Variants in LSAMP observed in about 807,000 individuals in gnomAD.
The protein encoded by LSAMP is limbic system associated membrane protein, also known as limbic system-associated membrane protein.
A neutral mutation model predicts 38.6 loss-of-function variants in LSAMP; 7 were observed. The ratio of observed to expected loss-of-function variants is 0.18; its 90% CI spans 0.10 to 0.34. LSAMP has a LOEUF of 0.34. Among genes scored for constraint, LSAMP ranks in the 10% least tolerant of loss-of-function variants. LSAMP has a pLI of 1.00. For missense variants in LSAMP, 313 were observed against 420.0 expected, an observed-to-expected ratio of 0.75 and a Z score of 2.23; for synonymous variants, 154 against 166.8, an observed-to-expected ratio of 0.92 and a Z score of 0.59.
At chr3:115,990,341 G>A (rs1939631718) in intron 3 of LSAMP, among the ~76,000 whole-genome samples, 1 of 152,000 alleles carries the variant, frequency 6.6e-6, no homozygotes, top group Non-Finnish European at 1.5e-5. Context: ...ACGCCCAAGA[G>A]CCCTTATTCT....
At chr3:116,188,211 G>A (rs1018032419) in intron 1 of LSAMP, among the ~76,000 whole-genome samples, 3 of 152,070 alleles carry the variant, frequency 2.0e-5, no homozygotes, top group Non-Finnish European at 4.4e-5. Flanking sequence ...CTCACTTAGT[G>A]ATCGTGCTAT....
chr3:116,124,888 C>T (rs1234853498), intron 1 of LSAMP, among the ~76,000 whole-genome samples: 4 of 152,056 alleles, frequency 2.6e-5, no homozygotes, highest in South Asian at 2.1e-4. Flanking sequence ...TTGTAAACTT[C>T]GACTCTGATC....
chr3:116,260,177 T>C (rs2046805882), intron 1 of LSAMP, among the ~76,000 whole-genome samples: 1 of 152,122 alleles, frequency 6.6e-6, no homozygotes, highest in African/African-American at 2.4e-5. Context: ...CTTCTAATCC[T>C]TTCAATAAGG....
intron 6 of LSAMP, among the ~76,000 whole-genome samples, chr3:115,816,433 G>T (rs1934020460): frequency 6.6e-6 from 1 of 152,132 alleles, no homozygotes; most frequent in Non-Finnish European, 1.5e-5. Context: ...AGGGTCATGG[G>T]TTTGATCAGG....
intron 1 of LSAMP, among the ~76,000 whole-genome samples, chr3:116,168,333 T>G (rs1260325999): frequency 6.6e-6 from 1 of 152,134 alleles, no homozygotes; most frequent in East Asian, 1.9e-4. Flanking sequence ...CTGCATTTCC[T>G]GAGAATCAAA....
intron 1 of LSAMP, among the ~76,000 whole-genome samples, chr3:116,178,198 G>T (rs1482264151): frequency 6.6e-6 from 1 of 151,960 alleles, no homozygotes; most frequent in East Asian, 1.9e-4. Context: ...ACAGGGTTTC[G>T]CTCTGTCACC....
chr3:116,038,006 T>C (rs1258587260), intron 2 of LSAMP, among the ~76,000 whole-genome samples: 1 of 152,042 alleles, frequency 6.6e-6, no homozygotes, highest in East Asian at 1.9e-4. Flanking sequence ...GAATAAAAGA[T>C]ATGAGTGTGA....
chr3:115,953,147 G>A (rs1396617468), intron 3 of LSAMP, among the ~76,000 whole-genome samples: 5 of 152,012 alleles, frequency 3.3e-5, no homozygotes, highest in Non-Finnish European at 7.4e-5. Context: ...TCTCCTTCGT[G>A]TTTGCATCTC....
chr3:116,168,819 C>T (rs868705421), intron 1 of LSAMP, among the ~76,000 whole-genome samples: 2 of 152,190 alleles, frequency 1.3e-5, no homozygotes, highest in Non-Finnish European at 2.9e-5. Flanking sequence ...CCCCAAAGCA[C>T]AGTACAGTTC....
chr3:116,162,006 C>A (rs956351155), intron 1 of LSAMP, among the ~76,000 whole-genome samples: 3 of 151,514 alleles, frequency 2.0e-5, no homozygotes, highest in Non-Finnish European at 4.4e-5. Context: ...ATAACTCACC[C>A]CCAAGCAGAA....
At chr3:116,238,035 TCCTC>T (rs2046487182) in intron 1 of LSAMP, among the ~76,000 whole-genome samples, 1 of 152,122 alleles carries the variant, frequency 6.6e-6, no homozygotes, top group Non-Finnish European at 1.5e-5. Context: ...ATCCATCCCT[TCCTC>T]CACCCAGTTG....
At chr3:115,871,578 G>T (rs1158334977) in intron 3 of LSAMP, among the ~76,000 whole-genome samples, 4 of 140,396 alleles carry the variant, frequency 2.8e-5, no homozygotes, top group African/African-American at 1.2e-4. Context: ...GAAAACCAAC[G>T]TGTAGTGTGT....
intron 1 of LSAMP, among the ~76,000 whole-genome samples, chr3:116,267,990 C>G (rs1360077881): frequency 6.6e-6 from 1 of 152,134 alleles, no homozygotes; most frequent in South Asian, 2.1e-4. Flanking sequence ...GCAACACATT[C>G]AAGATGGCAA....
At chr3:115,892,886 CAG>C (rs1936636156) in intron 3 of LSAMP, among the ~76,000 whole-genome samples, 1 of 150,594 alleles carries the variant, frequency 6.6e-6, no homozygotes, top group African/African-American at 2.4e-5. Context: ...TGGCATTTGT[CAG>C]AATCTCTTTT....
chr3:116,193,348 A>G (rs983748090), intron 1 of LSAMP, among the ~76,000 whole-genome samples: 3 of 152,196 alleles, frequency 2.0e-5, no homozygotes, highest in Non-Finnish European at 4.4e-5. Flanking sequence ...CAAAGTTCCC[A>G]TCTATGGAGT....
chr3:116,388,623 T>A (rs990369231), intron 1 of LSAMP, among the ~76,000 whole-genome samples: 4 of 152,212 alleles, frequency 2.6e-5, no homozygotes, highest in African/African-American at 9.7e-5. Context: ...CCCAACAATT[T>A]GGGGAAGATT....
chr3:115,855,125 G>T (rs1489190062), intron 3 of LSAMP, among the ~76,000 whole-genome samples: 1 of 152,072 alleles, frequency 6.6e-6, no homozygotes, highest in Non-Finnish European at 1.5e-5. Context: ...ACCTAGAAAT[G>T]GTGGATTATG....
intron 1 of LSAMP, among the ~76,000 whole-genome samples, chr3:116,144,735 T>C (rs1406681032): frequency 6.6e-6 from 1 of 151,980 alleles, no homozygotes; most frequent in Non-Finnish European, 1.5e-5. Flanking sequence ...ATTCTGTTGA[T>C]GAAAGTCTAT....
intron 1 of LSAMP, among the ~76,000 whole-genome samples, chr3:116,295,480 T>A (rs1310676037): frequency 1.3e-5 from 2 of 152,198 alleles, no homozygotes; most frequent in African/African-American, 4.8e-5. Context: ...TAGGTAAGTG[T>A]ACACATTCTA....
Sources: gnomAD v4.1 joint callset for allele counts (sites outside exome capture counted in the v4.1 genomes callset) on GRCh38, gnomAD v4.1.1 for gene constraint, MANE v1.5 for transcripts, NCBI Gene and HGNC (gene_info 2026-07-23, HGNC 2026-07-21) for gene names.